Variants in CHLSN observed in about 807,000 individuals in gnomAD.
CHLSN encodes the protein cholesin.
At chr7:1,066,721 C>T in the CHLSN span, among the ~76,000 whole-genome samples, 1 of 152,244 alleles carries the variant, frequency 6.6e-6, no homozygotes, top group Admixed American at 6.5e-5. Flanking sequence ...GGCCGATGCC[C>T]ATCCCTAAGC....
chr7:995,491 C>G, the CHLSN span, among the ~76,000 whole-genome samples: 2 of 152,236 alleles, frequency 1.3e-5, no homozygotes, highest in Non-Finnish European at 2.9e-5. Flanking sequence ...CTGGGAAGCT[C>G]AGAGCTCTGG....
chr7:1,048,806 T>C, the CHLSN span, among the ~76,000 whole-genome samples: 1 of 152,182 alleles, frequency 6.6e-6, no homozygotes, highest in Admixed American at 6.5e-5. Flanking sequence ...CCAGACATTT[T>C]CACGAGTTAT....
chr7:1,119,082 G>A, the CHLSN span, among the ~76,000 whole-genome samples: 6 of 151,676 alleles, frequency 4.0e-5, no homozygotes, highest in African/African-American at 7.3e-5. Flanking sequence ...GTGAAACCCC[G>A]TCTCTACTAA....
chr7:992,721 G>A, the CHLSN span, among the ~76,000 whole-genome samples: 15 of 152,360 alleles, frequency 9.8e-5, no homozygotes, highest in East Asian at 1.9e-3. Context: ...CCCTCAGAGC[G>A]GGGGTCTTCT....
At chr7:1,130,693 C>T in the CHLSN span, among the ~76,000 whole-genome samples, 1 of 152,134 alleles carries the variant, frequency 6.6e-6, no homozygotes. Flanking sequence ...TGCAGAGCCC[C>T]AGGCTATGTG....
chr7:993,715 G>A, the CHLSN span, among the ~76,000 whole-genome samples: 4 of 152,280 alleles, frequency 2.6e-5, no homozygotes, highest in Non-Finnish European at 5.9e-5. Flanking sequence ...GGGTGGAGGT[G>A]GCAGCGAGCA....
At chr7:1,114,374 A>G in the CHLSN span, among the ~76,000 whole-genome samples, 16 of 152,242 alleles carry the variant, frequency 1.1e-4, no homozygotes, top group Non-Finnish European at 1.9e-4. Flanking sequence ...CAGGTTAAAG[A>G]GGCAAATGCG....
chr7:1,097,680 G>A, the CHLSN span, among the ~76,000 whole-genome samples: 2 of 152,194 alleles, frequency 1.3e-5, no homozygotes, highest in Non-Finnish European at 2.9e-5. This position sits in a 1 kb window ranked among gnomAD's most constrained non-coding sequence, Gnocchi z 4.3. Flanking sequence ...TGTCCCCCAC[G>A]GATGGCTCAT....
the CHLSN span, among the ~76,000 whole-genome samples, chr7:1,105,474 T>A: frequency 6.6e-6 from 1 of 152,154 alleles, no homozygotes; most frequent in Admixed American, 6.5e-5. Context: ...AAGGAATCAA[T>A]GAACTGTGAG....
chr7:1,138,088 C>G, the CHLSN span: 4 of 150,318 alleles, frequency 2.7e-5, no homozygotes, highest in Non-Finnish European at 5.9e-5. Context: ...CTCCGCGCAC[C>G]CACGTGGAGG....
At chr7:1,038,301 G>A in the CHLSN span, among the ~76,000 whole-genome samples, 1 of 99,494 alleles carries the variant, frequency 1.0e-5, no homozygotes, top group Non-Finnish European at 2.3e-5. Flanking sequence ...CCGGGAGGGA[G>A]GTGGGGGGGT....
chr7:1,054,160 A>G, the CHLSN span, among the ~76,000 whole-genome samples: 2 of 152,210 alleles, frequency 1.3e-5, no homozygotes, highest in Non-Finnish European at 2.9e-5. Flanking sequence ...TTCCCTCCCA[A>G]GATCTCCAGG....
the CHLSN span, among the ~76,000 whole-genome samples, chr7:993,155 A>G: frequency 2.0e-5 from 3 of 152,160 alleles, no homozygotes; most frequent in Non-Finnish European, 2.9e-5. Context: ...CAGCAGGGGT[A>G]CGAGTGCTTC....
the CHLSN span, among the ~76,000 whole-genome samples, chr7:1,112,606 G>T: frequency 6.6e-6 from 1 of 151,850 alleles, no homozygotes; most frequent in African/African-American, 2.4e-5. Flanking sequence ...CATATCACGA[G>T]CCTTGGAAAA....
the CHLSN span, among the ~76,000 whole-genome samples, chr7:1,002,886 T>C: frequency 4.3e-4 from 34 of 78,894 alleles, 1 homozygote; most frequent in African/African-American, 1.8e-3. Context: ...GGGTGGGGAG[T>C]CCTTGGGTGA....
the CHLSN span, among the ~76,000 whole-genome samples, chr7:1,016,812 C>CCAGCGCACAGCAGCGCACAG: frequency 1.6e-5 from 1 of 63,754 alleles, no homozygotes; most frequent in Admixed American, 1.5e-4. Context: ...GCAGCACACA[C>CCAGCGCACAGCAGCGCACAG]CAGCGCACAG....
chr7:986,931 C>T, the CHLSN span: 7 of 1,316,018 alleles, frequency 5.3e-6, no homozygotes, highest in Admixed American at 5.9e-5. Context: ...CCTCTCAGAG[C>T]CTCAGTCTCC....
the CHLSN span, among the ~76,000 whole-genome samples, chr7:1,113,922 G>A: frequency 1.7e-4 from 26 of 152,326 alleles, no homozygotes; most frequent in Non-Finnish European, 3.1e-4. Flanking sequence ...TGTCTCCAGG[G>A]AGCGAATGGA....
the CHLSN span, among the ~76,000 whole-genome samples, chr7:1,070,963 C>CGCACACGGGCACAT: frequency 1.3e-5 from 2 of 150,388 alleles, no homozygotes; most frequent in Non-Finnish European, 3.0e-5. Flanking sequence ...AGCACAGACA[C>CGCACACGGGCACAT]GCACACGGGC....
Sources: gnomAD v4.1 joint callset for allele counts (sites outside exome capture counted in the v4.1 genomes callset) on GRCh38, gnomAD v4.1.1 for gene constraint, Gnocchi (gnomAD v3.1) non-coding constraint, MANE v1.5 for transcripts, NCBI Gene and HGNC (gene_info 2026-07-23, HGNC 2026-07-21) for gene names.